Variants in DPY19L3 observed in about 807,000 individuals in gnomAD.
The protein encoded by DPY19L3 is dpy-19 like C-mannosyltransferase 3.
DPY19L3 carries 51 observed loss-of-function variants against 92.3 expected under a neutral mutation model. That is an observed-to-expected ratio of 0.55 (90% CI 0.44 to 0.70). The LOEUF is 0.70. DPY19L3 is among the 30% of genes least tolerant of loss of function. The probability of loss-of-function intolerance (pLI) is 0.00; values close to 1 mark genes in which losing one functional copy is unlikely to be tolerated. For missense variants in DPY19L3, 706 were observed against 855.9 expected (o/e 0.82, Z 2.18); for synonymous variants, 309 against 315.2 (o/e 0.98, Z 0.21).
chr19:32,439,042 G>A (rs1247938525), intron 6 of DPY19L3, 70 bp from the exon 7 acceptor site: 19 of 1,530,350 alleles, frequency 1.2e-5, no homozygotes, highest in Admixed American at 3.8e-5. Context: ...TATATCTTTC[G>A]TTGAGGAAGT....
chr19:32,449,535 A>G (rs1455442120), intron 8 of DPY19L3, among the ~76,000 whole-genome samples: 1 of 152,210 alleles, frequency 6.6e-6, no homozygotes, highest in African/African-American at 2.4e-5. Context: ...CTGCAAAGCT[A>G]TAGTAATCAG....
intron 5 of DPY19L3, 66 bp downstream of exon 5, chr19:32,436,633 A>G: frequency 7.7e-7 from 1 of 1,291,856 alleles, no homozygotes; most frequent in Non-Finnish European, 1.0e-6. Context: ...TTGAACTGAA[A>G]GTTATCACAT....
intron 12 of DPY19L3, among the ~76,000 whole-genome samples, chr19:32,462,967 TAATG>T (rs1452578968): frequency 2.0e-5 from 3 of 152,192 alleles, no homozygotes; most frequent in Non-Finnish European, 4.4e-5. Context: ...AATTCCAAGT[TAATG>T]GATGTGTGTT....
At chr19:32,455,837 A>G (rs1969845818) in intron 10 of DPY19L3, among the ~76,000 whole-genome samples, 1 of 152,094 alleles carries the variant, frequency 6.6e-6, no homozygotes, top group African/African-American at 2.4e-5. Flanking sequence ...ATTTTTTTTC[A>G]GGGTAGGCTT....
At chr19:32,468,385 TTC>T (rs1970258194) in intron 15 of DPY19L3, 1 of 1,018,224 alleles carries the variant, frequency 9.8e-7, no homozygotes, top group Admixed American at 5.4e-5. Flanking sequence ...ATTGTGAACT[TTC>T]TCATGGTTGG....
rs544698738 is a variant in DPY19L3, at chr19:32,420,634, G to A, written c.237+9262G>A. On this transcript the variant is annotated intron_variant, in intron 3 of 18. Transcript: ENST00000392250. ...CCAGCTAACTTTTGTATTTTTAGTA[G>A]AGACGAGGTTTTGCCATGTTGGTCA... Among the ~76,000 whole-genome samples, 4 of 152,102 alleles carry A rather than the reference G, an allele frequency of 2.6e-5. No individual in the cohort carries two copies. In the South Asian group the frequency reaches 8.3e-4, roughly 32 times the overall value.
intron 8 of DPY19L3, among the ~76,000 whole-genome samples, chr19:32,446,716 G>A (rs1016587480): frequency 6.6e-6 from 1 of 152,086 alleles, no homozygotes; most frequent in Non-Finnish European, 1.5e-5. Context: ...AACGTGTGTG[G>A]GGCAAAAACT....
chr19:32,422,320 T>G (rs879306822), intron 3 of DPY19L3, among the ~76,000 whole-genome samples: 24 of 152,162 alleles, frequency 1.6e-4, no homozygotes, highest in Non-Finnish European at 5.9e-5. Context: ...ATGTGCCTTC[T>G]TCAAGGGGAA....
chr19:32,480,621 T>C, intron 18 of DPY19L3, 64 bp downstream of exon 18: 2 of 1,519,086 alleles, frequency 1.3e-6, no homozygotes, highest in South Asian at 2.5e-5. Flanking sequence ...ATTTGAATCC[T>C]AAGAATGTGA....
chr19:32,434,533 C>G (rs959989786), intron 4 of DPY19L3, among the ~76,000 whole-genome samples: 1 of 152,174 alleles, frequency 6.6e-6, no homozygotes, highest in African/African-American at 2.4e-5. Flanking sequence ...GTGGCGCATG[C>G]CTGTAATTCC....
At chr19:32,443,024 G>A (rs1475126013) in intron 8 of DPY19L3, among the ~76,000 whole-genome samples, 1 of 152,136 alleles carries the variant, frequency 6.6e-6, no homozygotes, top group African/African-American at 2.4e-5. Flanking sequence ...CTATCAGGAT[G>A]GTGTCAGAGA....
chr19:32,481,348 G>A (rs534744857), intron 18 of DPY19L3: 35 of 152,250 alleles, frequency 2.3e-4, no homozygotes, highest in African/African-American at 8.2e-4. Context: ...TGAGTTCAGA[G>A]GTGGTACAGA....
At chr19:32,453,863 T>C (rs1969783912) in intron 9 of DPY19L3, among the ~76,000 whole-genome samples, 1 of 152,288 alleles carries the variant, frequency 6.6e-6, no homozygotes, top group South Asian at 2.1e-4. Context: ...TTTAGCTTTA[T>C]TTATATAATT....
chr19:32,407,268 C>CA (rs1035691159), intron 1 of DPY19L3, among the ~76,000 whole-genome samples: 6 of 123,264 alleles, frequency 4.9e-5, no homozygotes, highest in African/African-American at 1.9e-4. Context: ...TCCTGCTCCC[C>CA]CCCACCCATT....
At chr19:32,450,115 T>A (rs1969650486) in intron 8 of DPY19L3, among the ~76,000 whole-genome samples, 1 of 152,112 alleles carries the variant, frequency 6.6e-6, no homozygotes, top group African/African-American at 2.4e-5. Context: ...TACATAAATG[T>A]CCAATAAACA....
chr19:32,446,546 A>G (rs918929643), intron 8 of DPY19L3, among the ~76,000 whole-genome samples: 3 of 152,222 alleles, frequency 2.0e-5, no homozygotes, highest in African/African-American at 7.2e-5. Flanking sequence ...GCAAGTATCA[A>G]TCAAAAGAAA....
chr19:32,421,851 C>T (rs996721497), intron 3 of DPY19L3, among the ~76,000 whole-genome samples: 5 of 151,880 alleles, frequency 3.3e-5, no homozygotes, highest in African/African-American at 1.2e-4. Flanking sequence ...GGAGCGATCA[C>T]AGAGACAAGC....
chr19:32,472,145 GT>G (rs1258809743), intron 16 of DPY19L3, among the ~76,000 whole-genome samples: 1 of 151,988 alleles, frequency 6.6e-6, no homozygotes, highest in Non-Finnish European at 1.5e-5. Flanking sequence ...CAGTGGGAAA[GT>G]TTTTTTTAGA....
intron 12 of DPY19L3, among the ~76,000 whole-genome samples, chr19:32,461,096 C>T (rs1325113553): frequency 6.6e-6 from 1 of 152,184 alleles, no homozygotes; most frequent in South Asian, 2.1e-4. Flanking sequence ...GAACTCCTGA[C>T]CTCAAGTGAT....
Sources: allele counts gnomAD v4.1 joint callset (sites outside exome capture counted in the v4.1 genomes callset), GRCh38; gene constraint gnomAD v4.1.1; transcripts MANE v1.5; gene names NCBI Gene and HGNC (gene_info 2026-07-23, HGNC 2026-07-21).